The following CFDP1 variants were observed in gnomAD, a reference collection of about 807,000 sequenced individuals.
CFDP1 encodes the protein chromatin remodeling protein CFDP1.
CFDP1 carries 31 observed loss-of-function variants against 40.1 expected under a neutral mutation model. That is an observed-to-expected ratio of 0.77 (90% confidence interval 0.58 to 1.04). The LOEUF (loss-of-function observed/expected upper bound fraction) is 1.04, where lower values mean the gene tolerates loss of function less well. Ranked by LOEUF, CFDP1 falls within the 50% of genes least tolerant of loss-of-function variation. The pLI, the probability that CFDP1 is intolerant of heterozygous loss-of-function variation, is 0.00. For missense variants in CFDP1, 423 were observed against 343.4 expected, an observed-to-expected ratio of 1.23 and a Z score of -1.83; for synonymous variants, 167 against 120.0, an observed-to-expected ratio of 1.39 and a Z score of -2.56.
At chr16:75,384,294 T>C (rs963470011) in intron 5 of CFDP1, among the ~76,000 whole-genome samples, 4 of 152,028 alleles carry the variant, frequency 2.6e-5, no homozygotes, top group East Asian at 1.9e-4. Flanking sequence ...GAGGTGGAGG[T>C]TGCAGTGAGC....
At chr16:75,414,798 G>A in intron 1 of CFDP1, 103 bp from the exon 2 acceptor site, 1 of 770,774 alleles carries the variant, frequency 1.3e-6, no homozygotes, top group Non-Finnish European at 2.1e-6. Flanking sequence ...TTTTCATTAA[G>A]AAAAAGTGAA....
chr16:75,387,956 C>T (rs1309667096), intron 5 of CFDP1, among the ~76,000 whole-genome samples: 1 of 152,140 alleles, frequency 6.6e-6, no homozygotes, highest in African/African-American at 2.4e-5. Flanking sequence ...TCAAAAATAA[C>T]AAAATAGCTT....
intron 5 of CFDP1, chr16:75,394,871 G>C: frequency 2.2e-6 from 1 of 463,672 alleles, no homozygotes; most frequent in Non-Finnish European, 3.8e-6. Context: ...GTATTGCCCA[G>C]GCTGGTCACA....
intron 4 of CFDP1, among the ~76,000 whole-genome samples, chr16:75,402,601 C>G (rs1241717144): frequency 2.0e-5 from 3 of 152,182 alleles, no homozygotes; most frequent in African/African-American, 7.2e-5. Context: ...CCTACAAATT[C>G]CTTCCTGTCA....
chr16:75,404,240 C>CT (rs1163893409), intron 4 of CFDP1, among the ~76,000 whole-genome samples: 128 of 142,064 alleles, frequency 9.0e-4, no homozygotes, highest in South Asian at 9.1e-4. Flanking sequence ...TGTCATTTTT[C>CT]TTTTTTTTTT....
At chr16:75,373,993 C>G (rs2078772838) in intron 5 of CFDP1, among the ~76,000 whole-genome samples, 1 of 152,110 alleles carries the variant, frequency 6.6e-6, no homozygotes, top group Non-Finnish European at 1.5e-5. Context: ...TGGCTCACAC[C>G]TGTAATCCCA....
intron 5 of CFDP1, among the ~76,000 whole-genome samples, chr16:75,314,834 C>T (rs1408935873): frequency 1.3e-5 from 2 of 152,182 alleles, no homozygotes. Flanking sequence ...TCACTGCCAA[C>T]GCTGCCTCCT....
intron 5 of CFDP1, among the ~76,000 whole-genome samples, chr16:75,320,384 A>G (rs1483070934): frequency 6.6e-6 from 1 of 152,190 alleles, no homozygotes; most frequent in Non-Finnish European, 1.5e-5. Context: ...GCAAACGAAG[A>G]AGGTCTGCTG....
intron 5 of CFDP1, among the ~76,000 whole-genome samples, chr16:75,336,824 G>A (rs755049210): frequency 9.2e-5 from 14 of 152,172 alleles, no homozygotes; most frequent in Non-Finnish European, 1.9e-4. Context: ...GTGAAAAATG[G>A]CACCTCCTTG....
At chr16:75,415,808 G>C (rs902770044) in intron 1 of CFDP1, among the ~76,000 whole-genome samples, 1 of 152,078 alleles carries the variant, frequency 6.6e-6, no homozygotes. Context: ...TTCCAATTTG[G>C]AGTCATTACA....
intron 5 of CFDP1, among the ~76,000 whole-genome samples, chr16:75,384,406 A>G (rs62059842): frequency 0.031 from 4,756 of 152,210 alleles, 124 homozygotes; most frequent in Non-Finnish European, 0.046. Context: ...CCACCACACA[A>G]ACCAGCAGGT....
In CFDP1 at chr16:75,411,721, A is replaced by G; in HGVS notation, c.530+104T>C. ...CTTGAGTTCAAGTATAACTCTCCCA[A>G]AATATTATGATGGATTGAAAAGAGG... On this transcript the variant is annotated intron_variant, in intron 4 of 6. Transcript: ENST00000283882. 3 of 1,209,336 alleles carry G rather than the reference A, an allele frequency of 2.5e-6. No homozygotes were observed. The South Asian group carries it at 4.1e-5, about 16-fold the overall frequency. The allele number at this position is 1,209,336 out of a possible 1,614,324, so 74.9% of individuals were successfully genotyped here.
At chr16:75,335,554 ATTT>A (rs71380718) in intron 5 of CFDP1, among the ~76,000 whole-genome samples, 2 of 121,346 alleles carry the variant, frequency 1.6e-5, no homozygotes, top group Non-Finnish European at 1.7e-5. Flanking sequence ...ACAAATCTCC[ATTT>A]TTTTTTTTTT....
chr16:75,371,132 T>C (rs917338773), intron 5 of CFDP1, among the ~76,000 whole-genome samples: 45 of 152,212 alleles, frequency 3.0e-4, no homozygotes, highest in African/African-American at 7.2e-4. Flanking sequence ...TACTAACATT[T>C]TGAATAAGCC....
chr16:75,408,967 C>G (rs565056105), intron 4 of CFDP1, among the ~76,000 whole-genome samples: 6 of 151,892 alleles, frequency 4.0e-5, no homozygotes, highest in African/African-American at 1.2e-4. Context: ...AAGTGATTCT[C>G]CTGCTTCAGC....
intron 3 of CFDP1, 103 bp downstream of exon 3, chr16:75,412,432 C>T (rs2079170953): frequency 2.3e-6 from 2 of 869,286 alleles, no homozygotes; most frequent in Non-Finnish European, 1.9e-6. Context: ...TCACTTAGTA[C>T]AATTGTTATC....
chr16:75,376,268 T>A (rs897476436), intron 5 of CFDP1, among the ~76,000 whole-genome samples: 1 of 152,140 alleles, frequency 6.6e-6, no homozygotes, highest in East Asian at 1.9e-4. Context: ...CTCCATGACC[T>A]AGCAATTCCA....
At chr16:75,364,144 CAAACAAACAAA>C (rs2078698328) in intron 5 of CFDP1, among the ~76,000 whole-genome samples, 2 of 107,106 alleles carry the variant, frequency 1.9e-5, no homozygotes, top group Non-Finnish European at 4.5e-5. Flanking sequence ...ACAAAACAAA[CAAACAAACAAA>C]AAAAACTATT....
chr16:75,374,081 C>T (rs1353472816), intron 5 of CFDP1, among the ~76,000 whole-genome samples: 1 of 151,786 alleles, frequency 6.6e-6, no homozygotes, highest in Non-Finnish European at 1.5e-5. Context: ...GACGAAATCC[C>T]ATCTCTACTA....
Sources: allele counts gnomAD v4.1 joint callset (sites outside exome capture counted in the v4.1 genomes callset), GRCh38; gene constraint gnomAD v4.1.1; transcripts MANE v1.5; gene names NCBI Gene and HGNC (gene_info 2026-07-23, HGNC 2026-07-21).